Variants in CCDC32 observed in about 807,000 individuals in gnomAD.
CCDC32 encodes the protein coiled-coil domain containing 32.
In CCDC32, 9 loss-of-function variants were observed where a neutral mutation model predicts 20.1. The observed-to-expected ratio is 0.45, with a 90% CI of 0.27 to 0.78. The LOEUF (loss-of-function observed/expected upper bound fraction) is 0.78, where lower values mean the gene tolerates loss of function less well. Among genes scored for constraint, CCDC32 ranks in the 30% least tolerant of loss-of-function variants. The pLI is 0.16. For synonymous variants in CCDC32, 63 were observed against 79.0 expected (o/e 0.80, Z 1.07); for missense variants, 204 against 215.5 (o/e 0.95, Z 0.33).
At chr15:40,532,906 T>C (rs562312199), downstream of CCDC32, among the ~76,000 whole-genome samples, 596 of 152,144 alleles carry the variant, frequency 3.9e-3, 10 homozygotes, top group African/African-American at 0.014. Context: ...GGTTTCACCA[T>C]GTTGCCCAGG....
chr15:40,532,877 A>G (rs1389170320), downstream of CCDC32, among the ~76,000 whole-genome samples: 2 of 150,636 alleles, frequency 1.3e-5, no homozygotes, highest in African/African-American at 4.9e-5. Context: ...AATTTTTTTT[A>G]TTTTTTGTAG....
downstream of CCDC32, among the ~76,000 whole-genome samples, chr15:40,533,888 A>G (rs1228759823): frequency 1.3e-5 from 2 of 152,056 alleles, no homozygotes; most frequent in African/African-American, 4.8e-5. Flanking sequence ...CACATGAAGA[A>G]ATCAAATTAC....
intron 3 of CCDC32, among the ~76,000 whole-genome samples, chr15:40,556,256 C>T (rs185510292): frequency 7.2e-5 from 11 of 152,342 alleles, no homozygotes; most frequent in African/African-American, 2.6e-4. Context: ...TATGGCAAAA[C>T]ACCAAAGCCA....
At position 40,554,969 on chromosome 15, in the gene CCDC32, G is replaced by A. The variant is rs552024085; in HGVS notation, c.402-842C>T. 2.9e-4 allele frequency among the ~76,000 whole-genome samples: 44 copies of A among 152,298 alleles called. No homozygotes were observed. In the South Asian group the frequency reaches 8.9e-3, roughly 31 times the overall value. On this transcript the variant is annotated intron_variant, in intron 3 of 3. Coordinates refer to ENST00000416810, the MANE Select transcript of CCDC32 (RefSeq NM_001080792.4). ...TATGGGGGAATTTATGTTTTGGATAGTCGGATTTCTCAGCCCATTACTCCC... is the reference window on the plus strand; with the variant it reads ...TATGGGGGAATTTATGTTTTGGATAATCGGATTTCTCAGCCCATTACTCCC...
rs151061715 is a variant in CCDC32 at position 40,539,697 on chromosome 15, A to G, written c.402-342T>C. Among the ~76,000 whole-genome samples, 212 of 152,184 alleles carry G rather than the reference A, an allele frequency of 1.4e-3. 2 individuals are homozygous for G. In the East Asian group the frequency reaches 0.026, roughly 19 times the overall value. On this transcript the variant is annotated intron_variant, in intron 3 of 3. Transcript: ENST00000558113. ...CCATCCCAGGAAATTTCCTTGCCCAATAGGTCTCTCTTGGCCTCCTGCTCT... is the reference window on the plus strand; with the variant it reads ...CCATCCCAGGAAATTTCCTTGCCCAGTAGGTCTCTCTTGGCCTCCTGCTCT...
downstream of CCDC32, among the ~76,000 whole-genome samples, chr15:40,532,505 C>A (rs878949054): frequency 3.3e-5 from 5 of 152,270 alleles, no homozygotes; most frequent in South Asian, 1.0e-3. Context: ...CCCTGCTTCA[C>A]AGCTGTTCAC....
Position 40,553,404 on chromosome 15 carries a change from C to A in CCDC32, c.*567G>T. ...ACAAGGAACAAATGAGAGAAAGAAG[C>A]CCAGCCTCTCTCCCTGGAGTCCGTA... On this transcript the variant is annotated 3_prime_UTR_variant, in exon 4 of 4. Coordinates refer to ENST00000416810, the MANE Select transcript of CCDC32 (RefSeq NM_001080792.4). 1 of 985,256 alleles carries A rather than the reference C, an allele frequency of 1.0e-6. No homozygotes were observed. The highest frequency in any genetic ancestry group is 1.2e-6 in the Non-Finnish European group (1 of 829,842). 61.0% of individuals were successfully genotyped at this position (985,256 alleles called of 1,614,324 possible). A position where few individuals can be genotyped will look rare whatever the true frequency, so the allele number is the denominator to read the frequency against.
intron 3 of CCDC32, among the ~76,000 whole-genome samples, chr15:40,546,299 C>A (rs575228792): frequency 6.6e-6 from 1 of 151,242 alleles, no homozygotes; most frequent in Non-Finnish European, 1.5e-5. Context: ...TCAAGTGATT[C>A]TCTTGCCTCA....
chr15:40,544,128 C>T (rs1477823410), intron 3 of CCDC32, among the ~76,000 whole-genome samples: 1 of 152,160 alleles, frequency 6.6e-6, no homozygotes, highest in Non-Finnish European at 1.5e-5. Flanking sequence ...TCCTGTACCC[C>T]TAACCATAGA....
At chr15:40,543,876 G>A (rs1055080306) in intron 3 of CCDC32, among the ~76,000 whole-genome samples, 1 of 152,160 alleles carries the variant, frequency 6.6e-6, no homozygotes, top group Non-Finnish European at 1.5e-5. Flanking sequence ...AGAGAGGCAT[G>A]ACCACTGCAG....
At chr15:40,561,467 C>T (rs13329076) in intron 2 of CCDC32, among the ~76,000 whole-genome samples, 52,614 of 146,300 alleles carry the variant, frequency 0.36, 10,215 homozygotes, top group Non-Finnish European at 0.45. Context: ...AATGAGACTC[C>T]GTCTCAAAAA....
chr15:40,545,375 T>G (rs890296198), intron 3 of CCDC32, among the ~76,000 whole-genome samples: 1 of 152,082 alleles, frequency 6.6e-6, no homozygotes, highest in African/African-American at 2.4e-5. Flanking sequence ...CACCTTTGCC[T>G]CCTCCCTTTC....
At chr15:40,537,040 G>A (rs553347579), downstream of CCDC32, 2 of 152,488 alleles carry the variant, frequency 1.3e-5, no homozygotes, top group African/African-American at 4.8e-5. Flanking sequence ...AGGAGACGTG[G>A]TGGGCCTGGC....
chr15:40,523,411 G>A, the CCDC32 span, among the ~76,000 whole-genome samples: 2 of 151,342 alleles, frequency 1.3e-5, no homozygotes, highest in Admixed American at 6.6e-5. Context: ...GGCTGAGGCA[G>A]GAGAATTGCC....
chr15:40,556,884 A>AGG, intron 3 of CCDC32: 1 of 184,036 alleles, frequency 5.4e-6, no homozygotes, highest in African/African-American at 2.3e-5. Context: ...TTCAGAGGTA[A>AGG]GAAGAGATGA....
chr15:40,563,738 C>G (rs2141661869), intron 1 of CCDC32, among the ~76,000 whole-genome samples: 1 of 152,012 alleles, frequency 6.6e-6, no homozygotes, highest in East Asian at 1.9e-4. Flanking sequence ...GGTTGGACAA[C>G]CAGCCTGCAC....
intron 3 of CCDC32, 161 bp downstream of exon 3, chr15:40,557,055 G>T (rs1267423754): frequency 9.9e-6 from 7 of 708,060 alleles, no homozygotes; most frequent in Non-Finnish European, 1.5e-5. Flanking sequence ...TGAACACAAT[G>T]CTTTATCCTT....
At chr15:40,522,370 G>C in the CCDC32 span, among the ~76,000 whole-genome samples, 5 of 152,184 alleles carry the variant, frequency 3.3e-5, no homozygotes, top group Admixed American at 1.3e-4. Context: ...TTTATAGGAA[G>C]TTTTGAAATT....
At chr15:40,529,890 T>C (rs1888823862) in intron 3 of CCDC32, among the ~76,000 whole-genome samples, 1 of 151,188 alleles carries the variant, frequency 6.6e-6, no homozygotes, top group African/African-American at 2.4e-5. Context: ...CTCGATCTCC[T>C]GACCTTGTGA....
Sources: gnomAD v4.1 joint callset for allele counts (sites outside exome capture counted in the v4.1 genomes callset) on GRCh38, gnomAD v4.1.1 for gene constraint, MANE v1.5 for transcripts, NCBI Gene and HGNC (gene_info 2026-07-23, HGNC 2026-07-21) for gene names.